Variants in BAIAP2 observed in about 807,000 individuals in gnomAD.
The protein encoded by BAIAP2 is BAR/IMD domain-containing adapter protein 2.
In BAIAP2, 18 loss-of-function variants were observed where a neutral mutation model predicts 63.0. The ratio of observed to expected loss-of-function variants is 0.29; its 90% CI spans 0.20 to 0.42. The LOEUF (loss-of-function observed/expected upper bound fraction) is 0.42, where lower values mean the gene tolerates loss of function less well. BAIAP2 is among the 10% of genes least tolerant of loss of function. BAIAP2 has a pLI of 1.00. For synonymous variants in BAIAP2, 386 were observed against 307.6 expected (o/e 1.25, Z -2.67); for missense variants, 610 against 734.3 (o/e 0.83, Z 1.96).
chr17:81,071,629 T>TGGCC (rs1322434470), intron 3 of BAIAP2, among the ~76,000 whole-genome samples: 1 of 152,220 alleles, frequency 6.6e-6, no homozygotes, highest in African/African-American at 2.4e-5. Context: ...CAGTGTCCAC[T>TGGCC]GGCCAAAAAG....
At chr17:81,096,388 T>G (rs2057616262) in intron 6 of BAIAP2, among the ~76,000 whole-genome samples, 1 of 152,178 alleles carries the variant, frequency 6.6e-6, no homozygotes, top group South Asian at 2.1e-4. Context: ...CTGCCCCACT[T>G]AAGGGATTCT....
At position 81,053,760 on chromosome 17, in the gene BAIAP2, G is replaced by T. The variant is rs1334677251; in HGVS notation, c.130+17G>T. 6.2e-7 allele frequency: 1 copy of T among 1,613,342 alleles called. No individual in the cohort carries two copies. The highest frequency in any genetic ancestry group is 8.5e-7 in the Non-Finnish European group (1 of 1,179,848). Reference sequence around the variant, plus strand: ...CACTGGCAGGTGGAACTGCGCCCGGGCCCCGTGGGGTGGGAGCTGCCTCCT... The same window carrying T: ...CACTGGCAGGTGGAACTGCGCCCGGTCCCCGTGGGGTGGGAGCTGCCTCCT... On this transcript the variant is annotated intron_variant, in intron 2 of 13. Transcript: ENST00000428708.
At chr17:81,060,101 C>T (rs914886939) in intron 3 of BAIAP2, among the ~76,000 whole-genome samples, 10 of 152,280 alleles carry the variant, frequency 6.6e-5, no homozygotes, top group East Asian at 1.9e-4. Flanking sequence ...CGTGGAGCCC[C>T]GCTGTGTGCA....
In BAIAP2 at chr17:81,103,631, C is replaced by T. The variant is rs773970956; in HGVS notation, c.772C>T (p.Leu258=). 1 of 1,605,752 alleles carries T rather than the reference C, an allele frequency of 6.2e-7. No individual in the cohort carries two copies. Among genetic ancestry groups the T allele is most frequent in the Non-Finnish European group, 8.5e-7 (1 of 1,178,814 alleles). The part of the protein sequence containing the change: ...ASNGATLPSA[L]SASKSNLVIS... ...CAACGGCGCCACCCTCCCCAGCGCC[C>T]TGTCGGCCTCCAAGTCCAACCTGGT... Residue 258 remains leucine, a synonymous_variant, in exon 8 of 14, where the codon CTG becomes TTG. Transcript: ENST00000428708.
chr17:81,073,239 C>G (rs1201459537), intron 3 of BAIAP2, among the ~76,000 whole-genome samples: 1 of 152,178 alleles, frequency 6.6e-6, no homozygotes, highest in African/African-American at 2.4e-5. Context: ...CACTGTGGTC[C>G]CAGCTTCCTG....
At chr17:81,078,381 G>A (rs1190713500) in intron 3 of BAIAP2, among the ~76,000 whole-genome samples, 6 of 137,666 alleles carry the variant, frequency 4.4e-5, no homozygotes, top group South Asian at 4.8e-4. Context: ...TGCTGTGGGT[G>A]CGGGTGCCGT....
At chr17:81,047,738 T>C (rs1291739564) in intron 1 of BAIAP2, among the ~76,000 whole-genome samples, 1 of 147,426 alleles carries the variant, frequency 6.8e-6, no homozygotes, top group Non-Finnish European at 1.5e-5. Flanking sequence ...TGAGTGTGCA[T>C]GCACAAGTAA....
chr17:81,094,381 C>T (rs2057303536), intron 6 of BAIAP2, among the ~76,000 whole-genome samples: 1 of 152,192 alleles, frequency 6.6e-6, no homozygotes, highest in Admixed American at 6.5e-5. Flanking sequence ...CACCCCTTGC[C>T]AATCTGCTGA....
intron 5 of BAIAP2, among the ~76,000 whole-genome samples, 153 bp from the exon 6 acceptor site, chr17:81,086,290 A>G (rs1371828567): frequency 6.6e-6 from 1 of 152,152 alleles, no homozygotes; most frequent in Non-Finnish European, 1.5e-5. Flanking sequence ...GCAGCTGAGC[A>G]TGCACGGCCA....
At chr17:81,108,243 G>C (rs917957789) in intron 12 of BAIAP2, 1 of 590,022 alleles carries the variant, frequency 1.7e-6, no homozygotes, top group Non-Finnish European at 3.0e-6. Flanking sequence ...TGAGGTGGCC[G>C]CTGGCTGGAG....
intron 3 of BAIAP2, among the ~76,000 whole-genome samples, chr17:81,072,327 C>T (rs1014907460): frequency 3.9e-5 from 6 of 152,264 alleles, no homozygotes; most frequent in Admixed American, 1.3e-4. Flanking sequence ...CTGCGCAGCC[C>T]GGCCTGACCC....
intron 3 of BAIAP2, among the ~76,000 whole-genome samples, chr17:81,077,328 A>G (rs1234708479): frequency 6.6e-6 from 1 of 152,070 alleles, no homozygotes; most frequent in African/African-American, 2.4e-5. Flanking sequence ...GCACTTTGGG[A>G]GGACGGGGTG....
At chr17:81,086,705 G>A in intron 6 of BAIAP2, 125 bp downstream of exon 6, 1 of 1,148,362 alleles carries the variant, frequency 8.7e-7, no homozygotes, top group Non-Finnish European at 1.2e-6. Context: ...GGCAGGCTGT[G>A]TGTCCCTGGT....
At chr17:81,054,663 G>T (rs956123161) in intron 2 of BAIAP2, among the ~76,000 whole-genome samples, 2 of 152,144 alleles carry the variant, frequency 1.3e-5, no homozygotes, top group African/African-American at 4.8e-5. Context: ...ATGAGCGAAC[G>T]CCCTGCAGCT....
At chr17:81,045,510 C>T (rs1016775502) in intron 1 of BAIAP2, among the ~76,000 whole-genome samples, 5 of 152,250 alleles carry the variant, frequency 3.3e-5, no homozygotes, top group African/African-American at 1.2e-4. Flanking sequence ...GCACCTCGGG[C>T]CCCTCCTGGC....
chr17:81,044,707 G>A (rs1178936721), intron 1 of BAIAP2, among the ~76,000 whole-genome samples: 1 of 152,234 alleles, frequency 6.6e-6, no homozygotes, highest in Non-Finnish European at 1.5e-5. Context: ...TCTGTCTTCA[G>A]GCTGATTGTA....
intron 3 of BAIAP2, among the ~76,000 whole-genome samples, chr17:81,068,440 G>C (rs541371956): frequency 3.9e-5 from 6 of 152,236 alleles, no homozygotes; most frequent in Non-Finnish European, 8.8e-5. Flanking sequence ...CCAGGACCCT[G>C]GTCAGTGCCA....
At chr17:81,056,838 C>CGTTTTTCTGCTGTTGT in intron 2 of BAIAP2, among the ~76,000 whole-genome samples, 2 of 152,258 alleles carry the variant, frequency 1.3e-5, no homozygotes, top group Middle Eastern at 3.4e-3. Context: ...TCTGCTGTTG[C>CGTTTTTCTGCTGTTGT]GTTTTTCTGC....
At chr17:81,055,526 T>C (rs1396154301) in intron 2 of BAIAP2, among the ~76,000 whole-genome samples, 2 of 150,512 alleles carry the variant, frequency 1.3e-5, no homozygotes, top group Non-Finnish European at 3.0e-5. Context: ...TCATCAAAAT[T>C]GTCTTAAAGA....
Sources: allele counts gnomAD v4.1 joint callset (sites outside exome capture counted in the v4.1 genomes callset), GRCh38; gene constraint gnomAD v4.1.1; transcripts MANE v1.5; gene names NCBI Gene and HGNC (gene_info 2026-07-23, HGNC 2026-07-21).